The following NECAB2 variants were observed in gnomAD, a reference collection of about 807,000 sequenced individuals.
The protein encoded by NECAB2 is N-terminal EF-hand calcium-binding protein 2.
Under a neutral mutation model 51.9 loss-of-function variants are expected in NECAB2, and 68 were observed. The ratio of observed to expected loss-of-function variants is 1.31; its 90% CI spans 1.08 to 1.60. NECAB2 has a LOEUF of 1.60. NECAB2 is among the 40% of genes most tolerant of loss of function. NECAB2 has a pLI of 0.00. For missense variants in NECAB2, 854 were observed against 490.3 expected (o/e 1.74, Z -7.00); for synonymous variants, 329 against 203.5 (o/e 1.62, Z -5.25).
intron 11 of NECAB2, among the ~76,000 whole-genome samples, chr16:84,001,005 C>G (rs1439302860): frequency 6.6e-6 from 1 of 152,104 alleles, no homozygotes; most frequent in Non-Finnish European, 1.5e-5. Flanking sequence ...CCCCACCACA[C>G]TCAGCTGGGC....
intron 5 of NECAB2, among the ~76,000 whole-genome samples, chr16:83,984,071 C>CT (rs1364310223): frequency 2.0e-5 from 3 of 149,460 alleles, no homozygotes; most frequent in Non-Finnish European, 1.5e-5. Flanking sequence ...TCCCAGCTCA[C>CT]TGCCAGCTCC....
intron 11 of NECAB2, 102 bp downstream of exon 11, chr16:84,000,903 C>G (rs997868637): frequency 1.7e-5 from 20 of 1,174,558 alleles, no homozygotes; most frequent in South Asian, 1.3e-4. Flanking sequence ...AAGGCCGAGT[C>G]CAGTCAGCAG....
intron 11 of NECAB2, among the ~76,000 whole-genome samples, chr16:84,001,142 C>G (rs1487953733): frequency 6.6e-6 from 1 of 152,142 alleles, no homozygotes; most frequent in Non-Finnish European, 1.5e-5. Flanking sequence ...TAGAAGGTGA[C>G]TCAGTCCCCA....
At chr16:83,999,159 A>G (rs185644432) in intron 10 of NECAB2, among the ~76,000 whole-genome samples, 41 of 152,288 alleles carry the variant, frequency 2.7e-4, no homozygotes, top group African/African-American at 9.6e-4. Flanking sequence ...GGCTTGAGTG[A>G]CAACAGCCTG....
At position 83,997,066 on chromosome 16, in the gene NECAB2, C is replaced by T. The variant is rs1370768964; in HGVS notation, c.796-150C>T. 1.8e-5 allele frequency: 14 copies of T among 782,308 alleles called. No individual in the cohort carries two copies. In the East Asian group the frequency reaches 3.4e-4, roughly 19 times the overall value. 48.5% of individuals were successfully genotyped at this position (782,308 alleles called of 1,614,324 possible). A position where few individuals can be genotyped will look rare whatever the true frequency, so the allele number is the denominator to read the frequency against. ...GCCCCCTGTAGGCCAGAGGGAGTCT[C>T]TGCCACTTCCTAGCGTTGGTCTCCC... On this transcript the variant is annotated intron_variant, in intron 8 of 12. Coordinates refer to ENST00000305202, the MANE Select transcript of NECAB2 (RefSeq NM_019065.3).
upstream of NECAB2, among the ~76,000 whole-genome samples, chr16:83,966,889 T>G (rs2084286853): frequency 6.6e-6 from 1 of 152,210 alleles, no homozygotes; most frequent in African/African-American, 2.4e-5. Context: ...TTTTTTTCTT[T>G]TTTTTGAGAC....
chr16:84,001,458 C>A (rs74926984), intron 11 of NECAB2, among the ~76,000 whole-genome samples: 1 of 152,104 alleles, frequency 6.6e-6, no homozygotes, highest in African/African-American at 2.4e-5. Context: ...CCTCCCTGTC[C>A]GTACTTCAGT....
intron 2 of NECAB2, among the ~76,000 whole-genome samples, chr16:83,976,238 C>T (rs1029566767): frequency 7.9e-5 from 12 of 152,160 alleles, no homozygotes; most frequent in Non-Finnish European, 1.5e-4. Flanking sequence ...GTGGCGATGT[C>T]GCCACAAGAT....
At chr16:83,998,018 G>A (rs2084743042) in intron 9 of NECAB2, among the ~76,000 whole-genome samples, 187 bp from the exon 10 acceptor site, 1 of 152,072 alleles carries the variant, frequency 6.6e-6, no homozygotes, top group Admixed American at 6.6e-5. Context: ...TCTGCACTGG[G>A]CTCTTGAGGT....
chr16:84,002,175 TG>T (rs1220942482), intron 12 of NECAB2, 142 bp from the exon 13 acceptor site: 19 of 1,132,176 alleles, frequency 1.7e-5, no homozygotes, highest in Non-Finnish European at 2.2e-5. Flanking sequence ...GTGTGTGGTT[TG>T]CACCTGGGTG....
At chr16:84,000,058 AT>A (rs780319058) in intron 10 of NECAB2, among the ~76,000 whole-genome samples, 398 of 117,888 alleles carry the variant, frequency 3.4e-3, no homozygotes, top group Middle Eastern at 7.8e-3. Context: ...AGCAAGTTTT[AT>A]TTTTTTTTTT....
At chr16:83,981,876 C>T (rs1047499061) in intron 5 of NECAB2, among the ~76,000 whole-genome samples, 2 of 152,154 alleles carry the variant, frequency 1.3e-5, no homozygotes, top group Non-Finnish European at 2.9e-5. Flanking sequence ...CAGCAGCCAC[C>T]AGCACCCTGA....
intron 8 of NECAB2, among the ~76,000 whole-genome samples, chr16:83,996,297 G>A (rs867425075): frequency 6.6e-6 from 1 of 152,196 alleles, no homozygotes; most frequent in Non-Finnish European, 1.5e-5. Context: ...CACTTACCAA[G>A]GCGTGTTCAT....
At chr16:83,965,891 G>A (rs763623338), upstream of NECAB2, 5 of 1,612,912 alleles carry the variant, frequency 3.1e-6, no homozygotes, top group South Asian at 5.5e-5. Flanking sequence ...CACCCGCCAG[G>A]AGGGCCTGTA....
In NECAB2 at chr16:84,002,345, G is replaced by T; in HGVS notation, c.1160G>T (p.Ter387LeuextTer24). ...PAAWCTVGRD* is the reference protein window; with the variant it reads ...PAAWCTVGRDL The stretch of plus-strand genomic sequence containing the variant: ...GCTTGGTGCACGGTGGGACGGGACT[G>T]ACAGCCTCCCAGAGGCCCGTGGAGG... The change falls in exon 13 of 13, where the codon TGA becomes TTA. Residue 387 changes from the stop codon to leucine, a stop_lost. Transcript: ENST00000305202. The T allele has an allele frequency of 1.2e-6, 2 of 1,614,010 alleles. No homozygotes were observed. Among genetic ancestry groups the T allele is most frequent in the Admixed American group, 1.7e-5 (1 of 60,018 alleles).
upstream of NECAB2, among the ~76,000 whole-genome samples, chr16:83,966,494 C>T (rs1252148710): frequency 6.6e-6 from 1 of 152,062 alleles, no homozygotes; most frequent in African/African-American, 2.4e-5. Context: ...GGATGGTGCC[C>T]CAAGTGTGGG....
At chr16:83,994,051 C>T (rs1597219463) in intron 6 of NECAB2, among the ~76,000 whole-genome samples, 2 of 152,186 alleles carry the variant, frequency 1.3e-5, no homozygotes, top group South Asian at 2.1e-4. Context: ...GGGGAAAAGG[C>T]CTAGGCCGTG....
intron 6 of NECAB2, 147 bp from the exon 7 acceptor site, chr16:83,994,154 TC>T: frequency 1.4e-6 from 1 of 721,214 alleles, no homozygotes; most frequent in Non-Finnish European, 2.4e-6. Flanking sequence ...CCTCATTTCC[TC>T]CTCTGTCAAA....
chr16:83,969,256 A>G (rs2151082846), intron 1 of NECAB2, among the ~76,000 whole-genome samples: 1 of 151,662 alleles, frequency 6.6e-6, no homozygotes, highest in African/African-American at 2.4e-5. Flanking sequence ...GTCCGGAGCG[A>G]TACTTTTCTG....
Sources: allele counts gnomAD v4.1 joint callset (sites outside exome capture counted in the v4.1 genomes callset), GRCh38; gene constraint gnomAD v4.1.1; transcripts MANE v1.5; gene names NCBI Gene and HGNC (gene_info 2026-07-23, HGNC 2026-07-21).